Variants in UGT2B28 observed in about 807,000 individuals in gnomAD.
The protein encoded by UGT2B28 is UDP-glucuronosyltransferase 2B28.
In UGT2B28, 45 loss-of-function variants were observed where a neutral mutation model predicts 43.6. The observed-to-expected ratio is 1.03, with a 90% CI of 0.81 to 1.32. UGT2B28 has a LOEUF of 1.32. Among genes scored for constraint, UGT2B28 ranks in the 40% most tolerant of loss-of-function variants. The pLI is 0.00. For synonymous variants in UGT2B28, 204 were observed against 208.1 expected, an observed-to-expected ratio of 0.98 and a Z score of 0.17; for missense variants, 649 against 625.5, an observed-to-expected ratio of 1.04 and a Z score of -0.40.
chr4:69,282,799 G>A lies in UGT2B28; in HGVS notation c.870+137G>A, dbSNP rs1213526311. 20 of 1,287,712 alleles carry A rather than the reference G, an allele frequency of 1.6e-5. 2 individuals are homozygous for A. Among genetic ancestry groups the A allele is most frequent in the Admixed American group, 2.9e-5 (1 of 34,386 alleles). 79.8% of individuals were successfully genotyped at this position (1,287,712 alleles called of 1,614,324 possible). On this transcript the variant is annotated intron_variant, in intron 2 of 5. Coordinates refer to ENST00000335568, the MANE Select transcript of UGT2B28 (RefSeq NM_053039.2). ...GGTGGTGTAAAGCAGATACCAAATA[G>A]AAACTCATGTATATGTTAATACCAT... is the stretch of plus-strand genomic sequence containing the variant.
chr4:69,291,670 T>C (rs1227058771), intron 5 of UGT2B28, among the ~76,000 whole-genome samples: 4 of 141,114 alleles, frequency 2.8e-5, no homozygotes, highest in Admixed American at 1.4e-4. Context: ...TTGTTTCCAA[T>C]TGTGGCTACT....
At chr4:69,293,341 C>T (rs1290420584) in intron 5 of UGT2B28, among the ~76,000 whole-genome samples, 2 of 140,428 alleles carry the variant, frequency 1.4e-5, no homozygotes, top group Non-Finnish European at 3.0e-5. Context: ...AAATTGGTAT[C>T]TTCACCTCAA....
chr4:69,280,986 G>C lies in UGT2B28; in HGVS notation c.486G>C (p.Ala162=). The C allele has an allele frequency of 1.3e-6, 2 of 1,558,066 alleles. 1 individual carries two copies. The highest frequency in any genetic ancestry group is 3.1e-5 in the African/African-American group (2 of 65,546). ...AFFPCGELLA[A]LLNIPFVYSL... Reference sequence around the variant, plus strand: ...TTCCTTGTGGTGAGCTGCTGGCTGCGCTACTTAACATACCGTTTGTGTACA... The same window carrying C: ...TTCCTTGTGGTGAGCTGCTGGCTGCCCTACTTAACATACCGTTTGTGTACA... The change falls in exon 1 of 6, where the codon GCG becomes GCC. Residue 162 remains alanine (A), a synonymous_variant. Transcript: ENST00000335568.
intron 2 of UGT2B28, among the ~76,000 whole-genome samples, 196 bp from the exon 3 acceptor site, chr4:69,286,556 A>T (rs1723780525): frequency 1.4e-5 from 2 of 140,098 alleles, no homozygotes; most frequent in South Asian, 4.8e-4. Flanking sequence ...TATTTACACA[A>T]ATATCCTTAA....
chr4:69,280,475 G>A lies in UGT2B28; in HGVS notation c.-26G>A, dbSNP rs756203546. 1 of 1,534,750 alleles carries A rather than the reference G, an allele frequency of 6.5e-7. No homozygotes were observed. The highest frequency in any genetic ancestry group is 1.3e-5 in the South Asian group (1 of 79,914). Reference sequence around the variant, plus strand: ...AAGTATGAGAAAGAAACAGTGACTTGAAAAGAATGATTGCATTGCACCAGG... The same window carrying A: ...AAGTATGAGAAAGAAACAGTGACTTAAAAAGAATGATTGCATTGCACCAGG... On this transcript the variant is annotated 5_prime_UTR_variant, in exon 1 of 6. Coordinates refer to ENST00000335568, the MANE Select transcript of UGT2B28 (RefSeq NM_053039.2).
At chr4:69,283,142 A>G (rs537155000) in intron 2 of UGT2B28, among the ~76,000 whole-genome samples, 1 of 140,384 alleles carries the variant, frequency 7.1e-6, no homozygotes, top group Non-Finnish European at 1.5e-5. Context: ...GATAATAGAA[A>G]GTATCCTGGA....
Position 69,294,409 on chromosome 4 carries a change from T to G in UGT2B28, c.1311-121T>G. The G allele has an allele frequency of 2.8e-6, 3 of 1,070,762 alleles. 1 individual carries two copies. Among genetic ancestry groups the G allele is most frequent in the Non-Finnish European group, 3.6e-6 (3 of 826,118 alleles). The allele number at this position is 1,070,762 out of a possible 1,614,324, so 66.3% of individuals were successfully genotyped here. A position where few individuals can be genotyped will look rare whatever the true frequency, so the allele number is the denominator to read the frequency against. ...GACTCAAATTAAAATACACAAATTC[T>G]CTGTCAATTCTTTCAAATTTACTTT... On this transcript the variant is annotated intron_variant, in intron 5 of 5. Coordinates refer to ENST00000335568, the MANE Select transcript of UGT2B28 (RefSeq NM_053039.2).
Position 69,290,708 on chromosome 4 carries a change from A to G in UGT2B28, c.1207A>G (p.Ile403Val). 7.1e-6 allele frequency: 11 copies of G among 1,559,538 alleles called. 2 individuals carry two copies. Among genetic ancestry groups the G allele is most frequent in the Non-Finnish European group, 7.8e-6 (9 of 1,155,212 alleles). The change falls in exon 5 of 6, where the codon ATT (isoleucine) becomes GTT (valine). Residue 403 changes from isoleucine (I) to valine (V), a missense_variant. Ile to Val is a conservative substitution (Grantham distance 29). Transcript: ENST00000335568. ...ATTGTTTTGGGATCAACCTGATAAC[A>G]TTGCTCACATGAAGGCCAAGGGAGC... ...IPLFWDQPDN[I>V]AHMKAKGAAV...
intron 2 of UGT2B28, among the ~76,000 whole-genome samples, chr4:69,285,429 T>C (rs1224433508): frequency 7.2e-6 from 1 of 139,296 alleles, no homozygotes; most frequent in South Asian, 2.4e-4. Flanking sequence ...CCTTCAACAC[T>C]GGGTAGAAAA....
rs375069193 is a variant in UGT2B28 at position 69,281,145 on chromosome 4, C to A, written c.645C>A (p.Ile215=). 48 of 1,555,070 alleles carry A rather than the reference C, an allele frequency of 3.1e-5. 8 individuals carry two copies. In the African/African-American group the frequency reaches 4.4e-4, roughly 14 times the overall value. The change falls in exon 1 of 6, where the codon ATC becomes ATA. Residue 215 remains isoleucine (I), a synonymous_variant. Transcript: ENST00000335568. ...TCATGGAGAGGGTAAAAAACATGATCTATGTGCTTTATTTTGACTTTTGGT... is the reference window on the plus strand; with the variant it reads ...TCATGGAGAGGGTAAAAAACATGATATATGTGCTTTATTTTGACTTTTGGT... ...MTFMERVKNM[I]YVLYFDFWFQ...
chr4:69,290,717 A>AT lies in UGT2B28; in HGVS notation c.1217dup (p.Met406IlefsTer9), dbSNP rs754882745. The AT allele has an allele frequency of 3.8e-6, 6 of 1,559,696 alleles. 2 individuals are homozygous for AT. The South Asian group carries it at 7.1e-5, about 18-fold the overall frequency. On this transcript the variant is annotated frameshift_variant, in exon 5 of 6. Coordinates refer to ENST00000335568, the MANE Select transcript of UGT2B28 (RefSeq NM_053039.2). LOFTEE classifies it high-confidence loss of function. ...GGATCAACCTGATAACATTGCTCAC[A>AT]TGAAGGCCAAGGGAGCAGCTGTTAG... is the stretch of plus-strand genomic sequence containing the variant.
At chr4:69,287,627 C>T (rs1242155405) in intron 3 of UGT2B28, among the ~76,000 whole-genome samples, 1 of 139,428 alleles carries the variant, frequency 7.2e-6, no homozygotes, top group East Asian at 2.1e-4. Flanking sequence ...AAATATGGTC[C>T]CACAAGGACT....
rs866059734 is a variant in UGT2B28 at position 69,290,665 on chromosome 4, C to A, written c.1164C>A (p.Ile388=). 10 of 1,559,208 alleles carry A rather than the reference C, an allele frequency of 6.4e-6. 3 individuals are homozygous for A. In the Middle Eastern group the frequency reaches 1.5e-3, roughly 240 times the overall value. The change falls in exon 5 of 6, where the codon ATC becomes ATA. Residue 388 remains isoleucine (I), a synonymous_variant. Coordinates refer to ENST00000335568, the MANE Select transcript of UGT2B28 (RefSeq NM_053039.2). ...NGIYEAIYHG[I]PMVGIPLFWD... ...TCTATGAGGCAATCTACCATGGGAT[C>A]CCTATGGTAGGCATTCCATTGTTTT...
At chr4:69,289,072 A>G (rs1440242149) in intron 3 of UGT2B28, among the ~76,000 whole-genome samples, 1 of 139,324 alleles carries the variant, frequency 7.2e-6, no homozygotes, top group Non-Finnish European at 1.5e-5. Context: ...GATCTTCATA[A>G]AAGAACCAGT....
At chr4:69,284,397 T>G (rs570246407) in intron 2 of UGT2B28, among the ~76,000 whole-genome samples, 4 of 140,806 alleles carry the variant, frequency 2.8e-5, no homozygotes, top group Non-Finnish European at 4.6e-5. Context: ...ACTCAACCTC[T>G]TAAAAGAACA....
At chr4:69,293,611 G>C (rs532087969) in intron 5 of UGT2B28, among the ~76,000 whole-genome samples, 1 of 139,730 alleles carries the variant, frequency 7.2e-6, no homozygotes, top group East Asian at 2.1e-4. Flanking sequence ...TTGGGTTGCA[G>C]CAAGAAAGAG....
At chr4:69,284,630 G>A (rs1475478777) in intron 2 of UGT2B28, among the ~76,000 whole-genome samples, 1 of 139,948 alleles carries the variant, frequency 7.1e-6, no homozygotes. Context: ...AGTAGGAGGT[G>A]TAAAAGGACA....
rs1454908344 is a variant in UGT2B28, at chr4:69,294,964, T to C, written c.*155T>C. On this transcript the variant is annotated 3_prime_UTR_variant, in exon 6 of 6. Transcript: ENST00000335568. ...ACCTTGTCAAGTAAAAATTTGTTTT[T>C]CAGAGATTTACCACCCAGGTAATGG... The C allele has an allele frequency of 3.7e-6, 4 of 1,079,372 alleles. No homozygotes were observed. The highest frequency in any genetic ancestry group is 3.8e-5 in the African/African-American group (2 of 52,642). The allele number at this position is 1,079,372 out of a possible 1,614,324, so 66.9% of individuals were successfully genotyped here.
At chr4:69,287,752 T>C (rs1163216151) in intron 3 of UGT2B28, among the ~76,000 whole-genome samples, 1 of 140,312 alleles carries the variant, frequency 7.1e-6, no homozygotes, top group Non-Finnish European at 1.5e-5. Context: ...GTCCCCTCCA[T>C]AGAACATAGT....
Sources: gnomAD v4.1 joint callset for allele counts (sites outside exome capture counted in the v4.1 genomes callset) on GRCh38, gnomAD v4.1.1 for gene constraint, MANE v1.5 for transcripts, NCBI Gene and HGNC (gene_info 2026-07-23, HGNC 2026-07-21) for gene names.